Variants in EXOC2 observed in about 807,000 individuals in gnomAD.
The protein encoded by EXOC2 is exocyst complex component 2.
EXOC2 carries 70 observed loss-of-function variants against 131.8 expected under a neutral mutation model. That is an observed-to-expected ratio of 0.53 (90% CI 0.44 to 0.65). EXOC2 has a LOEUF of 0.65. Ranked by LOEUF, EXOC2 falls within the 30% of genes least tolerant of loss-of-function variation. The pLI is 0.00. For missense variants in EXOC2, 923 were observed against 1,108.6 expected, an observed-to-expected ratio of 0.83 and a Z score of 2.38; for synonymous variants, 411 against 398.4, an observed-to-expected ratio of 1.03 and a Z score of -0.38.
intron 1 of EXOC2, chr6:656,927 C>G: frequency 6.5e-7 from 1 of 1,529,044 alleles, no homozygotes. Context: ...TGCCGGTGAT[C>G]TTGGCGCGAA....
chr6:606,419 TAAAAA>T (rs897106775), intron 7 of EXOC2, among the ~76,000 whole-genome samples: 2 of 150,610 alleles, frequency 1.3e-5, no homozygotes, highest in African/African-American at 4.9e-5. Context: ...AGTATAATAA[TAAAAA>T]AAAGAATCTC....
At chr6:625,330 T>G (rs1761500224) in intron 4 of EXOC2, among the ~76,000 whole-genome samples, 1 of 152,232 alleles carries the variant, frequency 6.6e-6, no homozygotes, top group African/African-American at 2.4e-5. Context: ...GCGGTGTTAT[T>G]CCGCGCTTGC....
intron 12 of EXOC2, 77 bp from the exon 13 acceptor site, chr6:572,721 C>T (rs1758354898): frequency 2.0e-6 from 3 of 1,516,852 alleles, no homozygotes; most frequent in African/African-American, 2.8e-5. Flanking sequence ...TGGCGCACCC[C>T]CCTCCACTCC....
At chr6:651,132 G>A (rs1461389668) in intron 1 of EXOC2, among the ~76,000 whole-genome samples, 8 of 151,254 alleles carry the variant, frequency 5.3e-5, no homozygotes, top group South Asian at 4.2e-4. Context: ...GCAGGTTCAC[G>A]CCATTCTCCT....
intron 23 of EXOC2, among the ~76,000 whole-genome samples, chr6:514,726 A>G (rs1318446995): frequency 6.6e-6 from 1 of 152,218 alleles, no homozygotes; most frequent in Admixed American, 6.5e-5. Flanking sequence ...AGGGACGCAG[A>G]GGCCAGGGGA....
chr6:652,451 T>A (rs868655651), intron 1 of EXOC2, among the ~76,000 whole-genome samples: 17 of 152,206 alleles, frequency 1.1e-4, no homozygotes, highest in African/African-American at 4.1e-4. Flanking sequence ...AGGAAACTCT[T>A]CATTACTGAT....
At chr6:582,481 CGCACAGCGGGCCGTTGTCCT>C (rs1227860788) in intron 11 of EXOC2, among the ~76,000 whole-genome samples, 1 of 152,072 alleles carries the variant, frequency 6.6e-6, no homozygotes, top group Non-Finnish European at 1.5e-5. Context: ...CATTTTCCTG[CGCACAGCGGGCCGTTGTCCT>C]GCACAGCAGC....
At chr6:594,894 C>T (rs555965935) in intron 10 of EXOC2, among the ~76,000 whole-genome samples, 2 of 149,458 alleles carry the variant, frequency 1.3e-5, no homozygotes, top group Non-Finnish European at 3.0e-5. Flanking sequence ...TACATGTTAT[C>T]GCCATTTCTT....
chr6:538,757 C>T (rs543375335), intron 22 of EXOC2, among the ~76,000 whole-genome samples: 106 of 152,306 alleles, frequency 7.0e-4, no homozygotes, highest in African/African-American at 2.3e-3. Context: ...TGATGTGCTA[C>T]GTCAGGTTAA....
At chr6:678,213 G>A (rs896264533) in intron 1 of EXOC2, among the ~76,000 whole-genome samples, 39 of 152,076 alleles carry the variant, frequency 2.6e-4, no homozygotes, top group Non-Finnish European at 1.3e-4. Flanking sequence ...CCATGGAGAG[G>A]GAGAAAAGAC....
rs371747538 is a variant in EXOC2, at chr6:690,659, C to T, written c.-44+2360G>A. Among the ~76,000 whole-genome samples, 10 of 152,116 alleles carry T rather than the reference C, an allele frequency of 6.6e-5. No individual in the cohort carries two copies. The East Asian group carries it at 1.2e-3, about 18-fold the overall frequency. Reference sequence around the variant, plus strand: ...CAGAGCTTGCACTGAGCAGAGATCTCGCCACTGTACTTCAGCCTAGGCAAC... The same window carrying T: ...CAGAGCTTGCACTGAGCAGAGATCTTGCCACTGTACTTCAGCCTAGGCAAC... On this transcript the variant is annotated intron_variant, in intron 1 of 27. Coordinates refer to ENST00000230449, the MANE Select transcript of EXOC2 (RefSeq NM_018303.6).
rs745422065 is a variant in EXOC2 at position 559,454 on chromosome 6, C to T, written c.1852-2890G>A. On this transcript the variant is annotated intron_variant, in intron 17 of 27. Coordinates refer to ENST00000230449, the MANE Select transcript of EXOC2 (RefSeq NM_018303.6). ...ACTGACTCAGTGTTATCAGGTCTAT[C>T]GTGGTAGGACACTTCTTCAAGGACC... is the stretch of plus-strand genomic sequence containing the variant. Among the ~76,000 whole-genome samples the T allele has an allele frequency of 2.6e-5, 4 of 152,162 alleles. No individual in the cohort carries two copies. The East Asian group carries it at 5.8e-4, about 22-fold the overall frequency.
chr6:660,183 C>A (rs916133851), intron 1 of EXOC2, among the ~76,000 whole-genome samples: 3 of 151,058 alleles, frequency 2.0e-5, no homozygotes, highest in South Asian at 2.1e-4. Flanking sequence ...CCCATCCCCC[C>A]CAACCCGATG....
chr6:642,381 G>A (rs1302717436), intron 1 of EXOC2, among the ~76,000 whole-genome samples: 2 of 152,176 alleles, frequency 1.3e-5, no homozygotes, highest in Admixed American at 1.3e-4. Flanking sequence ...TGAATTAGAG[G>A]ACATCTAGCT....
intron 17 of EXOC2, among the ~76,000 whole-genome samples, chr6:557,140 T>C (rs1757455982): frequency 6.6e-6 from 1 of 152,042 alleles, no homozygotes; most frequent in Non-Finnish European, 1.5e-5. Context: ...CTCCTAAGGG[T>C]GTTTAAGTTT....
intron 7 of EXOC2, among the ~76,000 whole-genome samples, chr6:600,439 A>G (rs1385385619): frequency 6.6e-6 from 1 of 152,236 alleles, no homozygotes; most frequent in Non-Finnish European, 1.5e-5. Flanking sequence ...TAAAGTATTT[A>G]TCACTTAAAA....
intron 19 of EXOC2, 130 bp from the exon 20 acceptor site, chr6:555,418 T>C (rs757415556): frequency 2.0e-6 from 1 of 500,034 alleles, no homozygotes; most frequent in Non-Finnish European, 3.6e-6. Flanking sequence ...GTTGTGTGCA[T>C]GTATGAATAT....
intron 22 of EXOC2, among the ~76,000 whole-genome samples, chr6:538,636 A>T (rs1341587799): frequency 6.6e-6 from 1 of 152,318 alleles, no homozygotes; most frequent in Admixed American, 6.5e-5. Flanking sequence ...TTTAAAAAAG[A>T]TAACAATTTA....
At chr6:666,376 A>ACCATAGTC (rs144263117) in intron 1 of EXOC2, among the ~76,000 whole-genome samples, 1 of 103,284 alleles carries the variant, frequency 9.7e-6, no homozygotes, top group South Asian at 2.9e-4. Flanking sequence ...AAAATTGAGC[A>ACCATAGTC]AATGATTCAA....
Sources: gnomAD v4.1 joint callset for allele counts (sites outside exome capture counted in the v4.1 genomes callset) on GRCh38, gnomAD v4.1.1 for gene constraint, MANE v1.5 for transcripts, NCBI Gene and HGNC (gene_info 2026-07-23, HGNC 2026-07-21) for gene names.